Variants in SERPINI1 observed in about 807,000 individuals in gnomAD.
SERPINI1 encodes the protein serpin family I member 1, also known as neuroserpin.
A neutral mutation model predicts 41.1 loss-of-function variants in SERPINI1; 19 were observed. The observed-to-expected ratio is 0.46, with a 90% CI of 0.32 to 0.68. The LOEUF (loss-of-function observed/expected upper bound fraction) is 0.68. Among genes scored for constraint, SERPINI1 ranks in the 30% least tolerant of loss-of-function variants. The pLI, the probability that SERPINI1 is intolerant of heterozygous loss-of-function variation, is 0.03. For synonymous variants in SERPINI1, 138 were observed against 156.6 expected, an observed-to-expected ratio of 0.88 and a Z score of 0.89; for missense variants, 460 against 479.2, an observed-to-expected ratio of 0.96 and a Z score of 0.37.
intron 5 of SERPINI1, among the ~76,000 whole-genome samples, chr3:167,803,235 C>T (rs1468102343): frequency 1.3e-5 from 2 of 151,348 alleles, no homozygotes; most frequent in Non-Finnish European, 1.5e-5. Context: ...ATGTAACTAA[C>T]CTGCACATTG....
intron 1 of SERPINI1, among the ~76,000 whole-genome samples, chr3:167,739,303 T>C (rs1266062725): frequency 3.9e-5 from 6 of 152,172 alleles, no homozygotes; most frequent in South Asian, 2.1e-4. Context: ...ATTAGAACCA[T>C]TGGACATTGG....
intron 5 of SERPINI1, among the ~76,000 whole-genome samples, chr3:167,800,596 GTA>G (rs1351522976): frequency 1.3e-5 from 2 of 152,148 alleles, no homozygotes; most frequent in South Asian, 4.1e-4. Context: ...GCTGTATGTA[GTA>G]TCAGTCTACT....
intron 1 of SERPINI1, among the ~76,000 whole-genome samples, chr3:167,778,423 G>C (rs1024440526): frequency 6.6e-6 from 1 of 152,158 alleles, no homozygotes; most frequent in Non-Finnish European, 1.5e-5. Context: ...TGGGCAGGGG[G>C]CTAGGAAATG....
At chr3:167,803,284 AAAAT>A (rs3061436) in intron 5 of SERPINI1, among the ~76,000 whole-genome samples, 423 of 147,652 alleles carry the variant, frequency 2.9e-3, no homozygotes, top group African/African-American at 8.2e-3. Context: ...AATAATAATA[AAAAT>A]AAATAAATAA....
At chr3:167,759,197 G>T (rs1257609517) in intron 1 of SERPINI1, among the ~76,000 whole-genome samples, 3 of 151,838 alleles carry the variant, frequency 2.0e-5, no homozygotes, top group Non-Finnish European at 4.4e-5. Context: ...TAGACTTTGA[G>T]TTCCAGAGAT....
rs1377963790 is a variant in SERPINI1 at position 167,789,491 on chromosome 3, A to G, written c.250+113A>G. 7.9e-6 allele frequency: 10 copies of G among 1,259,408 alleles called. No individual in the cohort carries two copies. The East Asian group carries it at 1.7e-4, about 21-fold the overall frequency. 78.0% of individuals were successfully genotyped at this position (1,259,408 alleles called of 1,614,324 possible). On this transcript the variant is annotated intron_variant, in intron 2 of 8. Coordinates refer to ENST00000446050, the MANE Select transcript of SERPINI1 (RefSeq NM_001122752.2). ...TTTACACAGGGTAAAAAACAATCTC[A>G]TTGAAATGGTATGGCTAGAAGGATT...
chr3:167,738,092 T>G (rs1725542823), intron 1 of SERPINI1, among the ~76,000 whole-genome samples: 1 of 152,162 alleles, frequency 6.6e-6, no homozygotes, highest in Admixed American at 6.5e-5. Flanking sequence ...TTTTCTTGAT[T>G]GGTGTTGAAA....
intron 4 of SERPINI1, among the ~76,000 whole-genome samples, chr3:167,793,620 G>A (rs1041047220): frequency 2.9e-5 from 4 of 136,844 alleles, no homozygotes; most frequent in Non-Finnish European, 1.5e-5. Context: ...AGGCATAATG[G>A]TACATACCTA....
At chr3:167,790,749 G>A in intron 3 of SERPINI1, 147 bp downstream of exon 3, 1 of 647,080 alleles carries the variant, frequency 1.5e-6, no homozygotes, top group Non-Finnish European at 2.8e-6. Flanking sequence ...ATAGATTATG[G>A]CCTATTTGAG....
Position 167,797,796 on chromosome 3 carries a change from C to T in SERPINI1, c.881+2972C>T, listed in dbSNP as rs180994015. Among the ~76,000 whole-genome samples, 295 of 150,628 alleles carry T rather than the reference C, an allele frequency of 2.0e-3. 1 individual carries two copies. Among genetic ancestry groups the T allele is most frequent in the African/African-American group, 7.1e-3 (291 of 41,046 alleles). On this transcript the variant is annotated intron_variant, in intron 5 of 8. Transcript: ENST00000446050. Reference sequence around the variant, plus strand: ...ATATACTAAATATATAAACAATGTACCTTAATTCCAAAGAACAATTTACTT... The same window carrying T: ...ATATACTAAATATATAAACAATGTATCTTAATTCCAAAGAACAATTTACTT...
intron 6 of SERPINI1, among the ~76,000 whole-genome samples, chr3:167,812,560 T>A (rs1220401631): frequency 2.6e-5 from 4 of 152,234 alleles, no homozygotes; most frequent in Admixed American, 1.3e-4. Flanking sequence ...GGCACATATA[T>A]CTTTTTATCT....
chr3:167,757,757 A>G (rs1726238995), intron 1 of SERPINI1, among the ~76,000 whole-genome samples: 1 of 152,062 alleles, frequency 6.6e-6, no homozygotes, highest in South Asian at 2.1e-4. Context: ...CATCTCTAAT[A>G]CAAATACAAA....
At chr3:167,767,825 A>G (rs919859808) in intron 1 of SERPINI1, among the ~76,000 whole-genome samples, 2 of 152,188 alleles carry the variant, frequency 1.3e-5, no homozygotes, top group Non-Finnish European at 2.9e-5. Context: ...GAGCCTGAAG[A>G]TAATAACTGA....
chr3:167,778,039 G>C (rs1378452738), intron 1 of SERPINI1, among the ~76,000 whole-genome samples: 3 of 152,158 alleles, frequency 2.0e-5, no homozygotes, highest in Non-Finnish European at 4.4e-5. Context: ...CTGGTGCCAT[G>C]CTCTTGGACT....
chr3:167,766,908 A>G (rs972888118), intron 1 of SERPINI1, among the ~76,000 whole-genome samples: 1 of 152,258 alleles, frequency 6.6e-6, no homozygotes, highest in African/African-American at 2.4e-5. Flanking sequence ...TCCGTAACAT[A>G]AAAGCGTATG....
intron 1 of SERPINI1, among the ~76,000 whole-genome samples, chr3:167,759,422 G>A (rs867566205): frequency 1.0e-4 from 9 of 89,384 alleles, no homozygotes; most frequent in East Asian, 6.4e-4. Context: ...ATATATATAT[G>A]CGCCATGCAG....
At chr3:167,742,451 C>A (rs914954355) in intron 1 of SERPINI1, among the ~76,000 whole-genome samples, 3 of 152,276 alleles carry the variant, frequency 2.0e-5, no homozygotes, top group Non-Finnish European at 4.4e-5. Context: ...CTTGTGATTT[C>A]TCTTGTGCTT....
intron 1 of SERPINI1, among the ~76,000 whole-genome samples, chr3:167,758,607 T>G (rs954180956): frequency 2.0e-5 from 3 of 152,170 alleles, no homozygotes; most frequent in Admixed American, 1.3e-4. Flanking sequence ...TGTATAACCT[T>G]AAAGTATCCA....
At chr3:167,772,897 C>CAA (rs1726832226) in intron 1 of SERPINI1, among the ~76,000 whole-genome samples, 1 of 39,610 alleles carries the variant, frequency 2.5e-5, no homozygotes, top group Non-Finnish European at 4.2e-5. Context: ...TATATATACA[C>CAA]ACACACACAC....
Sources: gnomAD v4.1 joint callset for allele counts (sites outside exome capture counted in the v4.1 genomes callset) on GRCh38, gnomAD v4.1.1 for gene constraint, MANE v1.5 for transcripts, NCBI Gene and HGNC (gene_info 2026-07-23, HGNC 2026-07-21) for gene names.